CRISPLD2: variants seen among roughly 807,000 people sequenced by gnomAD.
CRISPLD2 encodes cysteine rich secretory protein LCCL domain containing 2, also known as cysteine-rich secretory protein LCCL domain-containing 2.
Under a neutral mutation model 71.1 loss-of-function variants are expected in CRISPLD2, and 47 were observed. The ratio of observed to expected loss-of-function variants is 0.66; its 90% CI spans 0.52 to 0.84. The LOEUF is 0.84. Ranked by LOEUF, CRISPLD2 falls within the 40% of genes least tolerant of loss-of-function variation. The pLI is 0.00. For synonymous variants in CRISPLD2, 317 were observed against 250.1 expected (o/e 1.27, Z -2.52); for missense variants, 830 against 651.1 (o/e 1.27, Z -2.99).
intron 13 of CRISPLD2, among the ~76,000 whole-genome samples, chr16:84,887,119 G>T (rs1257949302): frequency 6.6e-6 from 1 of 152,158 alleles, no homozygotes; most frequent in Non-Finnish European, 1.5e-5. Context: ...TGAACCAGTG[G>T]CTGGGACTTC....
At chr16:84,902,129 G>A (rs895629272) in intron 14 of CRISPLD2, among the ~76,000 whole-genome samples, 7 of 152,036 alleles carry the variant, frequency 4.6e-5, no homozygotes, top group Admixed American at 6.5e-5. Flanking sequence ...ACGCTTTGGG[G>A]TCTACAAGGC....
At chr16:84,879,693 C>CT (rs1567699225) in intron 12 of CRISPLD2, among the ~76,000 whole-genome samples, 6 of 151,766 alleles carry the variant, frequency 4.0e-5, no homozygotes, top group Admixed American at 3.3e-4. Context: ...ACACACACAC[C>CT]CTTTCTCTCT....
At chr16:84,847,438 T>G (rs796456506) in intron 3 of CRISPLD2, among the ~76,000 whole-genome samples, 3 of 152,128 alleles carry the variant, frequency 2.0e-5, no homozygotes. Flanking sequence ...GAATACAAGG[T>G]CAGGAGTTCA....
chr16:84,868,792 G>C (rs1917611871), intron 7 of CRISPLD2, 59 bp from the exon 8 acceptor site: 1 of 1,344,900 alleles, frequency 7.4e-7, no homozygotes, highest in African/African-American at 1.4e-5. Flanking sequence ...GCATGGGGAA[G>C]GGTCTTCTCA....
intron 1 of CRISPLD2, among the ~76,000 whole-genome samples, chr16:84,825,401 A>G (rs1916327628): frequency 2.0e-5 from 3 of 152,116 alleles, no homozygotes; most frequent in Admixed American, 6.6e-5. Flanking sequence ...TGTCTCTACA[A>G]AAAATTTAAA....
At chr16:84,845,012 G>A (rs1395619028) in intron 2 of CRISPLD2, among the ~76,000 whole-genome samples, 1 of 152,154 alleles carries the variant, frequency 6.6e-6, no homozygotes, top group African/African-American at 2.4e-5. Flanking sequence ...CCAATCCAAC[G>A]CCACCCGGAT....
intron 2 of CRISPLD2, among the ~76,000 whole-genome samples, chr16:84,845,391 G>A (rs951107979): frequency 2.0e-5 from 3 of 152,208 alleles, no homozygotes; most frequent in East Asian, 3.9e-4. Flanking sequence ...TGCATAAGGA[G>A]AGGAGACTGG....
At chr16:84,885,299 C>T (rs576984168) in intron 13 of CRISPLD2, among the ~76,000 whole-genome samples, 1 of 152,368 alleles carries the variant, frequency 6.6e-6, no homozygotes, top group East Asian at 1.9e-4. Flanking sequence ...CTGAAATGGT[C>T]GCTTCATCTT....
At chr16:84,900,183 C>G (rs995380404) in intron 14 of CRISPLD2, among the ~76,000 whole-genome samples, 11 of 152,052 alleles carry the variant, frequency 7.2e-5, no homozygotes, top group African/African-American at 2.7e-4. Flanking sequence ...TCCGAGTGCT[C>G]CCATCTGATA....
chr16:84,894,239 A>C (rs1354067888), intron 14 of CRISPLD2, among the ~76,000 whole-genome samples: 1 of 152,240 alleles, frequency 6.6e-6, no homozygotes, highest in South Asian at 2.1e-4. Flanking sequence ...AGAGCTTTCA[A>C]TACTGGGACG....
chr16:84,853,790 C>T (rs1917155860), intron 5 of CRISPLD2, among the ~76,000 whole-genome samples: 1 of 152,224 alleles, frequency 6.6e-6, no homozygotes, highest in South Asian at 2.1e-4. Context: ...CCCACGGTCA[C>T]TCCCTCAGTC....
intron 1 of CRISPLD2, among the ~76,000 whole-genome samples, chr16:84,831,903 G>T (rs9319453): frequency 0.64 from 97,932 of 151,898 alleles, 31,816 homozygotes; most frequent in Non-Finnish European, 0.67. Context: ...CCTGGCTAAG[G>T]TTTGTACTTT....
intron 13 of CRISPLD2, among the ~76,000 whole-genome samples, chr16:84,882,663 C>A (rs958940912): frequency 6.6e-6 from 1 of 152,190 alleles, no homozygotes; most frequent in Non-Finnish European, 1.5e-5. Context: ...CCTTGGCTTC[C>A]CAAAGTGTTG....
At chr16:84,873,893 G>GTTT (rs10600678) in intron 10 of CRISPLD2, 27 bp from the exon 11 acceptor site, 532 of 1,418,700 alleles carry the variant, frequency 3.7e-4, no homozygotes, top group South Asian at 8.1e-4. Context: ...CCTAATGCCC[G>GTTT]TTTTTTTTTT....
chr16:84,889,173 G>C, intron 13 of CRISPLD2, 57 bp from the exon 14 acceptor site: 19 of 1,611,942 alleles, frequency 1.2e-5, no homozygotes, highest in Non-Finnish European at 1.5e-5. Flanking sequence ...GCCCCAGCTG[G>C]CTTGACCCAT....
At chr16:84,859,863 A>G (rs1033587734) in intron 6 of CRISPLD2, among the ~76,000 whole-genome samples, 1 of 152,198 alleles carries the variant, frequency 6.6e-6, no homozygotes, top group Non-Finnish European at 1.5e-5. Context: ...CCACCTTGGG[A>G]TCTAATCATT....
chr16:84,872,911 A>T (rs947682417), intron 9 of CRISPLD2, 81 bp from the exon 10 acceptor site: 4 of 1,521,754 alleles, frequency 2.6e-6, no homozygotes, highest in Non-Finnish European at 3.5e-6. Context: ...TGAGTTGAGG[A>T]CAAATGTTTG....
In CRISPLD2 at chr16:84,854,892, C is replaced by T. The variant is rs1339456412; in HGVS notation, c.709+63C>T. On this transcript the variant is annotated intron_variant, in intron 6 of 14. Coordinates refer to ENST00000262424, the MANE Select transcript of CRISPLD2 (RefSeq NM_031476.4). ...GCCCTCAGTCTGAGTCATGCGACAG[C>T]GTTACATGAAACAGGGGAATTAAAG... The T allele has an allele frequency of 4.2e-5, 53 of 1,266,414 alleles. No individual in the cohort carries two copies. The East Asian group carries it at 1.1e-3, about 26-fold the overall frequency. The allele number at this position is 1,266,414 out of a possible 1,614,324, so 78.4% of individuals were successfully genotyped here.
intron 3 of CRISPLD2, among the ~76,000 whole-genome samples, chr16:84,847,722 G>A (rs1362848485): frequency 6.6e-6 from 1 of 152,060 alleles, no homozygotes; most frequent in East Asian, 1.9e-4. Context: ...AATTCCACTA[G>A]CCTGGTTCGG....
Sources: allele counts gnomAD v4.1 joint callset (sites outside exome capture counted in the v4.1 genomes callset), GRCh38; gene constraint gnomAD v4.1.1; transcripts MANE v1.5; gene names NCBI Gene and HGNC (gene_info 2026-07-23, HGNC 2026-07-21).